The following CTDSP2 variants were observed in gnomAD, a reference collection of about 807,000 sequenced individuals.
The protein encoded by CTDSP2 is carboxy-terminal domain RNA polymerase II polypeptide A small phosphatase 2.
A neutral mutation model predicts 31.6 loss-of-function variants in CTDSP2; 9 were observed. That is an observed-to-expected ratio of 0.28 (90% CI 0.17 to 0.50). The LOEUF (loss-of-function observed/expected upper bound fraction) is 0.50, where lower values mean the gene tolerates loss of function less well. Among genes scored for constraint, CTDSP2 ranks in the 20% least tolerant of loss-of-function variants. The pLI is 0.98. For synonymous variants in CTDSP2, 134 were observed against 134.5 expected, an observed-to-expected ratio of 1.00 and a Z score of 0.03; for missense variants, 267 against 348.5, an observed-to-expected ratio of 0.77 and a Z score of 1.86.
chr12:57,830,196 T>C (rs924413485), intron 1 of CTDSP2, among the ~76,000 whole-genome samples: 2 of 152,098 alleles, frequency 1.3e-5, no homozygotes, highest in Admixed American at 1.3e-4. Flanking sequence ...CCAATCTGGC[T>C]AACACGGTGA....
chr12:57,834,552 G>GT (rs752108668), intron 1 of CTDSP2, among the ~76,000 whole-genome samples: 15 of 152,240 alleles, frequency 9.9e-5, no homozygotes, highest in Non-Finnish European at 1.0e-4. Flanking sequence ...GGAAGGAGGG[G>GT]TTGGAGCCAG....
In CTDSP2 at chr12:57,846,413, G is replaced by A. The variant is rs1365203165; in HGVS notation, c.23C>T (p.Thr8Ile). Reference sequence around the variant, plus strand: ...CAGGGCGTCTTCCCTCCGCGCCTGGGTGATGATGGAGCCGTGTTCCATCTA... The same window carrying A: ...CAGGGCGTCTTCCCTCCGCGCCTGGATGATGATGGAGCCGTGTTCCATCTA... MEHGSII[T>I]QARREDALVL... Residue 8 changes from threonine (T) to isoleucine (I), a missense_variant, in exon 1 of 8, where the codon ACC becomes ATC. Around this residue, in one of 2 missense-constraint regions of CTDSP2, gnomAD observed 111 missense variants for 107.1 expected, o/e 1.04. Coordinates refer to ENST00000398073, the MANE Select transcript of CTDSP2 (RefSeq NM_005730.4). 7 of 1,607,750 alleles carry A rather than the reference G, an allele frequency of 4.4e-6. No homozygotes were observed. In the South Asian group the frequency reaches 4.5e-5, roughly 10 times the overall value.
At chr12:57,842,372 C>A (rs1022924070) in intron 1 of CTDSP2, 2 of 152,120 alleles carry the variant, frequency 1.3e-5, no homozygotes, top group Admixed American at 1.3e-4. Flanking sequence ...GAAATGACAC[C>A]TCTCTGCTAC....
intron 1 of CTDSP2, among the ~76,000 whole-genome samples, chr12:57,833,756 T>C (rs1199261235): frequency 6.6e-6 from 1 of 152,164 alleles, no homozygotes; most frequent in Non-Finnish European, 1.5e-5. Flanking sequence ...CCAGAAGAGT[T>C]AGATAGAGAA....
chr12:57,827,438 G>A, intron 3 of CTDSP2, 114 bp downstream of exon 3: 2 of 1,164,082 alleles, frequency 1.7e-6, no homozygotes, highest in African/African-American at 1.5e-5. Context: ...GGCTTCCCAG[G>A]TCAGGGAGGT....
rs779108955 is a variant in CTDSP2, at chr12:57,824,044, G to A, written c.550C>T (p.Arg184Trp). Residue 184 changes from arginine to tryptophan, a missense_variant, in exon 7 of 8, where the codon CGG (arginine) becomes TGG (tryptophan). Transcript: ENST00000398073. ...TDLLDRCGVFRARLFRESCVF... is the reference protein window; with the variant it reads ...TDLLDRCGVFWARLFRESCVF... The stretch of plus-strand genomic sequence containing the variant: ...CAAGACTCACGGAATAGGCGGGCCC[G>A]GAACACCCCACACCGGTCCAGCAGG... The A allele has an allele frequency of 1.9e-6, 3 of 1,614,010 alleles. No individual in the cohort carries two copies. The highest frequency in any genetic ancestry group is 1.3e-5 in the African/African-American group (1 of 74,994).
intron 1 of CTDSP2, among the ~76,000 whole-genome samples, chr12:57,833,073 T>G (rs1263695812): frequency 6.6e-6 from 1 of 152,180 alleles, no homozygotes; most frequent in African/African-American, 2.4e-5. Flanking sequence ...GCACAGAGTC[T>G]TTTTTAAAAG....
intron 2 of CTDSP2, 83 bp from the exon 3 acceptor site, chr12:57,827,673 G>A (rs1956191570): frequency 2.1e-6 from 3 of 1,413,752 alleles, no homozygotes; most frequent in Non-Finnish European, 3.0e-6. Context: ...CTTAAGCCTG[G>A]AGGGCAACTT....
chr12:57,829,717 G>A, intron 1 of CTDSP2, 121 bp from the exon 2 acceptor site: 1 of 758,234 alleles, frequency 1.3e-6, no homozygotes, highest in Non-Finnish European at 2.2e-6. Context: ...GTATACGGCT[G>A]GTGAACAACC....
In CTDSP2 at chr12:57,845,064, G is replaced by A. The variant is rs576061058; in HGVS notation, c.64+1308C>T. 3.6e-4 allele frequency among the ~76,000 whole-genome samples: 55 copies of A among 152,328 alleles called. 1 individual carries two copies. Among genetic ancestry groups the A allele is most frequent in the Admixed American group, 3.1e-3 (47 of 15,314 alleles). On this transcript the variant is annotated intron_variant, in intron 1 of 7. Coordinates refer to ENST00000398073, the MANE Select transcript of CTDSP2 (RefSeq NM_005730.4). ...GCTGACTAATGTTGCCAAACGGGGA[G>A]ACGTGGGGCGCACGAGGCCCCGAAG...
Position 57,823,570 on chromosome 12 carries a change from C to T in CTDSP2, c.*32G>A, listed in dbSNP as rs202046034. ...AGGCACAGTGTGGGAAAGTCCCCTA[C>T]TGGGATGGCCGTCGCTTGGAAGCAG... On this transcript the variant is annotated 3_prime_UTR_variant, in exon 8 of 8. Transcript: ENST00000398073. 1.9e-6 allele frequency: 3 copies of T among 1,611,622 alleles called. No homozygotes were observed. The highest frequency in any genetic ancestry group is 3.3e-4 in the Middle Eastern group (2 of 6,056).
intron 2 of CTDSP2, 82 bp downstream of exon 2, chr12:57,829,366 C>G: frequency 6.6e-7 from 1 of 1,518,332 alleles, no homozygotes; most frequent in East Asian, 2.3e-5. Context: ...GCAAAGCTTC[C>G]TTGTCCGGTT....
intron 1 of CTDSP2, among the ~76,000 whole-genome samples, chr12:57,832,507 A>C (rs1956221603): frequency 6.6e-6 from 1 of 151,978 alleles, no homozygotes; most frequent in African/African-American, 2.4e-5. Flanking sequence ...AAAAGAAAAG[A>C]CAGGGCGGTC....
chr12:57,845,164 G>A (rs1040155286), intron 1 of CTDSP2, among the ~76,000 whole-genome samples: 1 of 152,186 alleles, frequency 6.6e-6, no homozygotes, highest in South Asian at 2.1e-4. Flanking sequence ...TGGAGAAGGG[G>A]AGGGAGCGCT....
chr12:57,824,178 C>T (rs2140472767), intron 6 of CTDSP2, 49 bp downstream of exon 6: 2 of 1,608,460 alleles, frequency 1.2e-6, no homozygotes, highest in Non-Finnish European at 1.7e-6. Flanking sequence ...TGGACCACCC[C>T]CGTGGCCACC....
intron 1 of CTDSP2, 34 bp downstream of exon 1, chr12:57,846,338 G>A (rs1296266361): frequency 1.9e-6 from 3 of 1,583,098 alleles, no homozygotes; most frequent in East Asian, 2.3e-5. Context: ...GCGCCCGGGG[G>A]CGACGCAAAG....
chr12:57,824,632 C>G (rs1158238029), intron 5 of CTDSP2: 3 of 575,440 alleles, frequency 5.2e-6, no homozygotes, highest in Non-Finnish European at 1.0e-5. Flanking sequence ...AACAAGTAAT[C>G]AAGAATAGGC....
intron 1 of CTDSP2, among the ~76,000 whole-genome samples, chr12:57,839,722 T>A (rs182005106): frequency 0.069 from 10,386 of 150,610 alleles, 401 homozygotes; most frequent in Non-Finnish European, 0.092. Flanking sequence ...AGACTCCATC[T>A]CAAAAAAAAA....
chr12:57,826,475 G>C, intron 4 of CTDSP2, 73 bp from the exon 5 acceptor site: 1 of 1,445,788 alleles, frequency 6.9e-7, no homozygotes, highest in South Asian at 1.2e-5. Context: ...ACCCCTAGGT[G>C]GGTGGGGAGA....
Sources: gnomAD v4.1 joint callset for allele counts (sites outside exome capture counted in the v4.1 genomes callset) on GRCh38, gnomAD v4.1.1 for gene constraint, gnomAD v4.1.1 regional missense constraint, MANE v1.5 for transcripts, NCBI Gene and HGNC (gene_info 2026-07-23, HGNC 2026-07-21) for gene names.